BMPR1A: variants seen among roughly 807,000 people sequenced by gnomAD.
The protein encoded by BMPR1A is bone morphogenetic protein receptor type 1A.
In BMPR1A, 7 loss-of-function variants were observed where a neutral mutation model predicts 66.0. That is an observed-to-expected ratio of 0.11 (90% confidence interval 0.06 to 0.20). The LOEUF is 0.20. BMPR1A is among the 10% of genes least tolerant of loss of function. The pLI is 1.00. For synonymous variants in BMPR1A, 200 were observed against 229.7 expected, an observed-to-expected ratio of 0.87 and a Z score of 1.17; for missense variants, 408 against 669.1, an observed-to-expected ratio of 0.61 and a Z score of 4.31.
At chr10:86,778,771 T>G (rs1315123376) in intron 1 of BMPR1A, among the ~76,000 whole-genome samples, 1 of 152,048 alleles carries the variant, frequency 6.6e-6, no homozygotes, top group Non-Finnish European at 1.5e-5. Context: ...ACCCTTCCTA[T>G]CCTCTGTTCT....
intron 3 of BMPR1A, among the ~76,000 whole-genome samples, chr10:86,885,771 T>C (rs1483378406): frequency 6.6e-6 from 1 of 152,218 alleles, no homozygotes; most frequent in African/African-American, 2.4e-5. Flanking sequence ...ACCAACCGTT[T>C]GCCATCTGAG....
intron 1 of BMPR1A, among the ~76,000 whole-genome samples, chr10:86,780,226 T>G (rs1841415941): frequency 6.6e-6 from 1 of 152,206 alleles, no homozygotes; most frequent in Non-Finnish European, 1.5e-5. Flanking sequence ...GATGAGTAGT[T>G]TGCAAATATT....
intron 2 of BMPR1A, among the ~76,000 whole-genome samples, chr10:86,859,632 C>CA (rs1445838174): frequency 6.6e-6 from 1 of 151,898 alleles, no homozygotes; most frequent in East Asian, 1.9e-4. Context: ...CCAGCCTGGC[C>CA]AACGCCATCT....
Position 86,892,685 on chromosome 10 carries a change from C to T in BMPR1A, c.333+456C>T, listed in dbSNP as rs368685137. ...CTCAAGCAGTCTGCCCGCATCGGCC[C>T]GCAAAGTGCTGGGATTACAGGTGTG... On this transcript the variant is annotated intron_variant, in intron 5 of 12. Transcript: ENST00000372037. Among the ~76,000 whole-genome samples, 10 of 152,010 alleles carry T rather than the reference C, an allele frequency of 6.6e-5. No homozygotes were observed. The South Asian group carries it at 8.3e-4, about 13-fold the overall frequency.
intron 8 of BMPR1A, among the ~76,000 whole-genome samples, chr10:86,915,692 A>C (rs1436190284): frequency 6.6e-6 from 1 of 152,066 alleles, no homozygotes; most frequent in Non-Finnish European, 1.5e-5. Flanking sequence ...TGGCCGCCGC[A>C]CTCCAGCCTG....
rs2133609002 is a variant in BMPR1A at position 86,921,699 on chromosome 10, G to A, written c.1342+4G>A. ...GCTCGTCGTTGTATCACAGGAGGTG[G>A]GAGTTTGAGTAGTTTCTGATTATGT... is the stretch of plus-strand genomic sequence containing the variant. On this transcript the variant is annotated splice_donor_region_variant and intron_variant, in intron 11 of 12. Coordinates refer to ENST00000372037, the MANE Select transcript of BMPR1A (RefSeq NM_004329.3). 6.2e-7 allele frequency: 1 copy of A among 1,614,122 alleles called. No homozygotes were observed. Among genetic ancestry groups the A allele is most frequent in the Non-Finnish European group, 8.5e-7 (1 of 1,180,002 alleles).
chr10:86,890,030 G>T, intron 3 of BMPR1A, 32 bp from the exon 4 acceptor site: 2 of 1,610,636 alleles, frequency 1.2e-6, no homozygotes, highest in South Asian at 1.1e-5. Flanking sequence ...TTTCAGAAAT[G>T]ATTTACTTAC....
chr10:86,900,759 C>T (rs1217214310), intron 7 of BMPR1A, among the ~76,000 whole-genome samples: 1 of 152,098 alleles, frequency 6.6e-6, no homozygotes, highest in Non-Finnish European at 1.5e-5. Context: ...GTTGAGAAAT[C>T]GTGTTTTGGG....
At chr10:86,862,440 T>A (rs1842723950) in intron 2 of BMPR1A, among the ~76,000 whole-genome samples, 1 of 152,172 alleles carries the variant, frequency 6.6e-6, no homozygotes, top group African/African-American at 2.4e-5. Flanking sequence ...TTTAGCTTTT[T>A]GTCTGAGTGA....
chr10:86,809,795 T>C (rs1056397801), intron 1 of BMPR1A, among the ~76,000 whole-genome samples: 2 of 151,864 alleles, frequency 1.3e-5, no homozygotes, highest in Non-Finnish European at 2.9e-5. Context: ...ATTCCTTCCT[T>C]CCTGCCCCTG....
chr10:86,805,589 G>T (rs1841878965), intron 1 of BMPR1A, among the ~76,000 whole-genome samples: 1 of 150,874 alleles, frequency 6.6e-6, no homozygotes, highest in Non-Finnish European at 1.5e-5. Context: ...AGCCTCCCGA[G>T]TAGCTAGGAC....
At chr10:86,827,863 A>G (rs1480566883) in intron 1 of BMPR1A, among the ~76,000 whole-genome samples, 2 of 152,174 alleles carry the variant, frequency 1.3e-5, no homozygotes, top group Non-Finnish European at 2.9e-5. Context: ...TTTAAAGAAA[A>G]AAGTTGCAGG....
intron 1 of BMPR1A, among the ~76,000 whole-genome samples, chr10:86,831,188 T>G (rs1230548142): frequency 6.6e-6 from 1 of 152,252 alleles, no homozygotes; most frequent in Non-Finnish European, 1.5e-5. Context: ...CAGCTGCATG[T>G]GTACCCTTCA....
chr10:86,812,921 G>C (rs1841990482), intron 1 of BMPR1A, among the ~76,000 whole-genome samples: 1 of 152,144 alleles, frequency 6.6e-6, no homozygotes, highest in African/African-American at 2.4e-5. Flanking sequence ...TGGTATCATA[G>C]AGAATAGTTT....
chr10:86,769,146 AGT>A (rs1455681367), intron 1 of BMPR1A, among the ~76,000 whole-genome samples: 4 of 152,224 alleles, frequency 2.6e-5, no homozygotes, highest in Admixed American at 2.6e-4. Context: ...GTGTATCATC[AGT>A]ACTGGCAAAT....
intron 5 of BMPR1A, among the ~76,000 whole-genome samples, chr10:86,894,742 T>A (rs1193409586): frequency 2.0e-5 from 3 of 152,236 alleles, no homozygotes; most frequent in Admixed American, 6.5e-5. Context: ...TGTAAATAGT[T>A]TAGCACAATT....
chr10:86,838,036 T>A (rs570494299), intron 1 of BMPR1A, among the ~76,000 whole-genome samples: 1 of 152,316 alleles, frequency 6.6e-6, no homozygotes, highest in African/African-American at 2.4e-5. Context: ...ATACAGTTTT[T>A]AAAACACGAA....
At chr10:86,831,627 G>A (rs1842268841) in intron 1 of BMPR1A, among the ~76,000 whole-genome samples, 1 of 152,166 alleles carries the variant, frequency 6.6e-6, no homozygotes, top group African/African-American at 2.4e-5. Flanking sequence ...ATCCAGGCTT[G>A]TTGGCACTTG....
intron 10 of BMPR1A, 48 bp from the exon 11 acceptor site, chr10:86,921,472 A>G (rs536875883): frequency 5.0e-5 from 80 of 1,607,362 alleles, no homozygotes; most frequent in Admixed American, 1.5e-4. Flanking sequence ...AAGATAAACT[A>G]TTTTATTTTT....
Sources: gnomAD v4.1 joint callset for allele counts (sites outside exome capture counted in the v4.1 genomes callset) on GRCh38, gnomAD v4.1.1 for gene constraint, MANE v1.5 for transcripts, NCBI Gene and HGNC (gene_info 2026-07-23, HGNC 2026-07-21) for gene names.